Variants in SLC13A1 observed in about 807,000 individuals in gnomAD.
SLC13A1 encodes the protein Na(+)/sulfate cotransporter.
A neutral mutation model predicts 70.0 loss-of-function variants in SLC13A1; 65 were observed. The observed-to-expected ratio is 0.93, with a 90% CI of 0.76 to 1.14. The LOEUF is 1.14. Among genes scored for constraint, SLC13A1 ranks in the 50% most tolerant of loss-of-function variants. The pLI, the probability that SLC13A1 is intolerant of heterozygous loss-of-function variation, is 0.00. For synonymous variants in SLC13A1, 275 were observed against 250.5 expected (o/e 1.10, Z -0.92); for missense variants, 726 against 717.8 (o/e 1.01, Z -0.13).
intron 6 of SLC13A1, chr7:123,148,712 A>G: frequency 4.0e-6 from 1 of 248,062 alleles, no homozygotes. Context: ...AAAATCCCAA[A>G]TTTTAAACTT....
intron 11 of SLC13A1, 33 bp from the exon 12 acceptor site, chr7:123,123,268 C>A: frequency 2.3e-6 from 3 of 1,305,876 alleles, no homozygotes; most frequent in Non-Finnish European, 3.3e-6. Context: ...TTACACATTG[C>A]TTAAAATATT....
chr7:123,120,554 G>A (rs148206590), intron 12 of SLC13A1, among the ~76,000 whole-genome samples: 1 of 152,044 alleles, frequency 6.6e-6, no homozygotes, highest in African/African-American at 2.4e-5. Context: ...TCCTCCTTTT[G>A]TGAAATTTCA....
At chr7:123,162,592 A>G (rs1196365186) in intron 6 of SLC13A1, among the ~76,000 whole-genome samples, 1 of 152,246 alleles carries the variant, frequency 6.6e-6, no homozygotes, top group Non-Finnish European at 1.5e-5. Flanking sequence ...TAGAAGAATA[A>G]TGAAGGAGAG....
intron 6 of SLC13A1, among the ~76,000 whole-genome samples, chr7:123,160,617 G>A (rs926683139): frequency 3.9e-5 from 6 of 152,098 alleles, no homozygotes; most frequent in Non-Finnish European, 5.9e-5. Context: ...GGAAAACATC[G>A]AACCTAATTA....
intron 2 of SLC13A1, among the ~76,000 whole-genome samples, chr7:123,178,192 GA>G (rs1438015255): frequency 6.6e-6 from 1 of 152,004 alleles, no homozygotes; most frequent in Non-Finnish European, 1.5e-5. Flanking sequence ...CAACAAATAT[GA>G]GAAAAGTTTA....
chr7:123,178,483 A>G (rs1307519781), intron 2 of SLC13A1, among the ~76,000 whole-genome samples: 1 of 152,172 alleles, frequency 6.6e-6, no homozygotes, highest in Admixed American at 6.5e-5. Context: ...CTTAGTTTGT[A>G]TCATTGTTTA....
intron 1 of SLC13A1, among the ~76,000 whole-genome samples, chr7:123,198,908 G>A (rs906276717): frequency 6.6e-6 from 1 of 152,036 alleles, no homozygotes; most frequent in African/African-American, 2.4e-5. Flanking sequence ...TGTGTGCCAG[G>A]CACTGCTCCA....
At chr7:123,116,210 G>C (rs1793176201) in intron 14 of SLC13A1, among the ~76,000 whole-genome samples, 1 of 152,056 alleles carries the variant, frequency 6.6e-6, no homozygotes, top group Non-Finnish European at 1.5e-5. Flanking sequence ...GCATTCTCAT[G>C]GTTTTAGCTC....
intron 9 of SLC13A1, 63 bp downstream of exon 9, chr7:123,129,320 T>TTCTC (rs1180442142): frequency 1.9e-6 from 2 of 1,030,466 alleles, no homozygotes; most frequent in African/African-American, 1.7e-5. Context: ...CATTTCTCTC[T>TTCTC]TCTCTGTGTG....
At chr7:123,141,542 CTT>C (rs1412200297) in intron 7 of SLC13A1, among the ~76,000 whole-genome samples, 1 of 151,672 alleles carries the variant, frequency 6.6e-6, no homozygotes, top group Non-Finnish European at 1.5e-5. Context: ...ATTGAGGTCT[CTT>C]TCTCTCTCTC....
At chr7:123,163,029 G>A (rs1794963475) in intron 6 of SLC13A1, among the ~76,000 whole-genome samples, 1 of 152,050 alleles carries the variant, frequency 6.6e-6, no homozygotes, top group South Asian at 2.1e-4. Flanking sequence ...TTGAGCTGAT[G>A]TAAAACTCTG....
chr7:123,170,501 A>G (rs1297400448), intron 3 of SLC13A1, among the ~76,000 whole-genome samples: 1 of 152,218 alleles, frequency 6.6e-6, no homozygotes, highest in Non-Finnish European at 1.5e-5. Context: ...TGTGAAGTGC[A>G]TTACATCATC....
Position 123,123,126 on chromosome 7 carries a change from C to T in SLC13A1, c.1350G>A (p.Glu450=), listed in dbSNP as rs1343011382. ...AAATATCTTACACACAGAGTATTAC[C>T]TCACAACCATCTGCCAGGGCAAACC... ...GGGFALADGC[E]ESGLSKWIGN... The change falls in exon 12 of 15, where the codon GAG becomes GAA. Residue 450 remains glutamate, a splice_region_variant and synonymous_variant. Coordinates refer to ENST00000194130, the MANE Select transcript of SLC13A1 (RefSeq NM_022444.4). 1 of 1,601,156 alleles carries T rather than the reference C, an allele frequency of 6.2e-7. No individual in the cohort carries two copies. The highest frequency in any genetic ancestry group is 8.6e-7 in the Non-Finnish European group (1 of 1,168,438).
chr7:123,191,453 A>G (rs1585410294), intron 1 of SLC13A1, among the ~76,000 whole-genome samples: 1 of 152,304 alleles, frequency 6.6e-6, no homozygotes, highest in African/African-American at 2.4e-5. Context: ...TTTCTGACTC[A>G]TTCTGATCTA....
In SLC13A1 at chr7:123,171,859, C is replaced by A. The variant is rs1023723947; in HGVS notation, c.274G>T (p.Val92Phe). 1.9e-6 allele frequency: 3 copies of A among 1,612,608 alleles called. No homozygotes were observed. Among genetic ancestry groups the A allele is most frequent in the Non-Finnish European group, 2.5e-6 (3 of 1,178,912 alleles). Reference sequence around the variant, plus strand: ...TCTATGGATGTTGCTAAACAGATAACTCCAATTAGCAGTAAGTGAAAATCC... The same window carrying A: ...TCTATGGATGTTGCTAAACAGATAAATCCAATTAGCAGTAAGTGAAAATCC... ...FKDFHLLLIG[V>F]ICLATSIEKW... Residue 92 changes from valine (V) to phenylalanine (F), a missense_variant, in exon 3 of 15, where the codon GTT becomes TTT. Transcript: ENST00000194130.
chr7:123,117,203 T>C (rs971797138), intron 14 of SLC13A1, among the ~76,000 whole-genome samples: 2 of 152,180 alleles, frequency 1.3e-5, no homozygotes, highest in African/African-American at 4.8e-5. Flanking sequence ...GTGTGGAGCA[T>C]GTTCAGTGCT....
At chr7:123,143,227 T>G (rs10251971) in intron 7 of SLC13A1, among the ~76,000 whole-genome samples, 48,151 of 152,004 alleles carry the variant, frequency 0.32, 7,934 homozygotes, top group African/African-American at 0.41. Flanking sequence ...TTAGCTGCCC[T>G]GTCTTTTGTC....
At chr7:123,155,915 C>A (rs1432317396) in intron 6 of SLC13A1, among the ~76,000 whole-genome samples, 1 of 152,070 alleles carries the variant, frequency 6.6e-6, no homozygotes, top group Non-Finnish European at 1.5e-5. Context: ...ACACCCTCCC[C>A]CAGCCCAGAA....
intron 6 of SLC13A1, among the ~76,000 whole-genome samples, chr7:123,155,459 A>T (rs1306355799): frequency 6.6e-6 from 1 of 151,980 alleles, no homozygotes; most frequent in Admixed American, 6.6e-5. Context: ...CTCTCTGATT[A>T]TATTAATGAT....
Sources: allele counts gnomAD v4.1 joint callset (sites outside exome capture counted in the v4.1 genomes callset), GRCh38; gene constraint gnomAD v4.1.1; transcripts MANE v1.5; gene names NCBI Gene and HGNC (gene_info 2026-07-23, HGNC 2026-07-21).